The following ACP6 variants were observed in gnomAD, a reference collection of about 807,000 sequenced individuals.
The protein encoded by ACP6 is lysophosphatidic acid phosphatase type 6.
Under a neutral mutation model 48.1 loss-of-function variants are expected in ACP6, and 48 were observed. The observed-to-expected ratio is 1.00, with a 90% CI of 0.79 to 1.27. The LOEUF is 1.27. Ranked by LOEUF, ACP6 falls within the 50% of genes most tolerant of loss-of-function variation. The pLI is 0.00. For missense variants in ACP6, 485 were observed against 529.1 expected (o/e 0.92, Z 0.82); for synonymous variants, 172 against 204.2 (o/e 0.84, Z 1.34).
chr1:147,647,413 T>C lies in ACP6; in HGVS notation c.*10A>G. On this transcript the variant is annotated 3_prime_UTR_variant, in exon 10 of 10. Coordinates refer to ENST00000583509, the MANE Select transcript of ACP6 (RefSeq NM_016361.5). ...TTTTAAAATCAACACATCCTGCTTT[T>C]ATAAATCAGTTACTCTTCATTTCCA... The C allele has an allele frequency of 2.5e-6, 4 of 1,613,960 alleles. No homozygotes were observed. Among genetic ancestry groups the C allele is most frequent in the Non-Finnish European group, 3.4e-6 (4 of 1,180,002 alleles).
chr1:147,650,202 G>A lies in ACP6; in HGVS notation c.918C>T (p.His306=), dbSNP rs782769484. 6.8e-6 allele frequency: 11 copies of A among 1,605,854 alleles called. No individual in the cohort carries two copies. The highest frequency in any genetic ancestry group is 7.6e-6 in the Non-Finnish European group (9 of 1,176,762). Residue 306 remains histidine, a synonymous_variant, in exon 8 of 10, where the codon CAC becomes CAT. Transcript: ENST00000583509. ...CTTTCAGCAGGTTGCTCTCTAGGAT[G>A]TGGAGGAATGGGCCTACTGCCATCT... ...SLQMAVGPFL[H]ILESNLLKAM...
At chr1:147,631,932 C>G (rs782243065) in intron 5 of ACP6, among the ~76,000 whole-genome samples, 3 of 152,170 alleles carry the variant, frequency 2.0e-5, no homozygotes, top group Non-Finnish European at 2.9e-5. Context: ...GCAGGACTGC[C>G]AGGCCCCAGC....
chr1:147,652,343 G>A (rs1295625131), intron 7 of ACP6, 106 bp downstream of exon 7: 2 of 1,160,562 alleles, frequency 1.7e-6, no homozygotes, highest in Non-Finnish European at 2.4e-6. Context: ...CCTTACACGA[G>A]GAGACATCAG....
At chr1:147,655,393 A>G in intron 4 of ACP6, 145 bp from the exon 5 acceptor site, 1 of 649,034 alleles carries the variant, frequency 1.5e-6, no homozygotes, top group African/African-American at 1.8e-5. Flanking sequence ...AAGGACAGAA[A>G]ATGCCTTCAA....
Position 147,648,110 on chromosome 1 carries a change from C to G in ACP6, c.1143+136G>C. 9.9e-6 allele frequency: 10 copies of G among 1,014,480 alleles called. No homozygotes were observed. In the South Asian group the frequency reaches 1.5e-4, roughly 15 times the overall value. 62.8% of individuals were successfully genotyped at this position (1,014,480 alleles called of 1,614,324 possible). A position where few individuals can be genotyped will look rare whatever the true frequency, so the allele number is the denominator to read the frequency against. Reference sequence around the variant, plus strand: ...CCCTGGGCCATAGCCAGGAGTTGCCCTATAGGATTCAGAGAGCTGACTGTG... The same window carrying G: ...CCCTGGGCCATAGCCAGGAGTTGCCGTATAGGATTCAGAGAGCTGACTGTG... On this transcript the variant is annotated intron_variant, in intron 9 of 9. Transcript: ENST00000583509.
At chr1:147,655,276 G>T (rs1660194911) in intron 4 of ACP6, 28 bp from the exon 5 acceptor site, 2 of 1,534,276 alleles carry the variant, frequency 1.3e-6, no homozygotes, top group African/African-American at 2.7e-5. Context: ...AGCACAGGCA[G>T]GCAGAGGCTT....
At chr1:147,653,275 C>T (rs1553210993) in intron 6 of ACP6, among the ~76,000 whole-genome samples, 3 of 150,962 alleles carry the variant, frequency 2.0e-5, no homozygotes. Flanking sequence ...GGACTACAGA[C>T]ATGCACCACC....
At chr1:147,655,345 G>T in intron 4 of ACP6, 97 bp from the exon 5 acceptor site, 5 of 913,888 alleles carry the variant, frequency 5.5e-6, no homozygotes, top group Non-Finnish European at 6.9e-6. Context: ...ATGGAGCAGA[G>T]ATCTGCTCTG....
At chr1:147,667,438 G>A (rs587758425) in intron 1 of ACP6, among the ~76,000 whole-genome samples, 13 of 151,974 alleles carry the variant, frequency 8.6e-5, no homozygotes, top group South Asian at 6.2e-4. Flanking sequence ...GGCTGATCTC[G>A]AACTCCTGAC....
chr1:147,635,559 T>G (rs782209130), intron 5 of ACP6, among the ~76,000 whole-genome samples: 15 of 152,184 alleles, frequency 9.9e-5, no homozygotes, highest in Non-Finnish European at 1.6e-4. Flanking sequence ...AGTATTATCA[T>G]GAGTAAAAAT....
rs1390099116 is a variant in ACP6, at chr1:147,670,030, T to C, written c.19A>G (p.Ser7Gly). The change falls in exon 1 of 10, where the codon AGC becomes GGC. Residue 7 changes from serine (S) to glycine (G), a missense_variant. Physicochemically the swap from Ser to Gly is moderately conservative, Grantham distance 56. Transcript: ENST00000583509. MITGVF[S>G]MRLWTPVGVL... ...CCCACTGGGGTCCACAAGCGCATGC[T>C]GAACACACCAGTGATCATGGTGGTA... 1.3e-6 allele frequency: 2 copies of C among 1,535,750 alleles called. No individual in the cohort carries two copies. Among genetic ancestry groups the C allele is most frequent in the Non-Finnish European group, 1.8e-6 (2 of 1,137,698 alleles).
At position 147,660,085 on chromosome 1, in the gene ACP6, C is replaced by T. The variant is rs77048298; in HGVS notation, c.220-310G>A. On this transcript the variant is annotated intron_variant, in intron 1 of 9. Transcript: ENST00000583509. ...GACCAGAATGCCTGGCATGCGGATA[C>T]GTGGTGAATGAACGAATAGATGGAT... 1.8e-3 allele frequency among the ~76,000 whole-genome samples: 280 copies of T among 152,210 alleles called. 1 individual carries two copies. Among genetic ancestry groups the T allele is most frequent in the African/African-American group, 6.5e-3 (271 of 41,514 alleles).
intron 5 of ACP6, among the ~76,000 whole-genome samples, chr1:147,633,699 G>C (rs1389512451): frequency 6.6e-6 from 1 of 152,026 alleles, no homozygotes; most frequent in Non-Finnish European, 1.5e-5. Context: ...TCCACAGTCT[G>C]AAAGTCCTTA....
chr1:147,663,939 C>A (rs782674168), intron 1 of ACP6, among the ~76,000 whole-genome samples: 1 of 152,130 alleles, frequency 6.6e-6, no homozygotes, highest in East Asian at 1.9e-4. Flanking sequence ...ACTCAATTTC[C>A]TACTACTTTG....
intron 5 of ACP6, among the ~76,000 whole-genome samples, chr1:147,633,313 A>G (rs1659218260): frequency 6.6e-6 from 1 of 152,174 alleles, no homozygotes; most frequent in South Asian, 2.1e-4. Context: ...TGGTCCATCA[A>G]TTAAGACCAA....
intron 5 of ACP6, among the ~76,000 whole-genome samples, chr1:147,632,501 G>C (rs1553207519): frequency 6.6e-6 from 1 of 152,040 alleles, no homozygotes; most frequent in Non-Finnish European, 1.5e-5. Flanking sequence ...AGGACACACA[G>C]AGAACAACAC....
At chr1:147,656,080 G>C (rs1660243581) in intron 4 of ACP6, among the ~76,000 whole-genome samples, 1 of 152,106 alleles carries the variant, frequency 6.6e-6, no homozygotes, top group African/African-American at 2.4e-5. Flanking sequence ...TCCCAAAGGG[G>C]TATTTATTCC....
At chr1:147,642,071 A>T (rs182285894), downstream of ACP6, among the ~76,000 whole-genome samples, 1 of 152,286 alleles carries the variant, frequency 6.6e-6, no homozygotes, top group East Asian at 1.9e-4. Context: ...GAGAGGAAAA[A>T]CAGGCTCAGA....
At position 147,652,545 on chromosome 1, in the gene ACP6, T is replaced by A. The variant is rs1659983903; in HGVS notation, c.785A>T (p.His262Leu). 1 of 1,614,128 alleles carries A rather than the reference T, an allele frequency of 6.2e-7. No individual in the cohort carries two copies. The highest frequency in any genetic ancestry group is 1.1e-5 in the South Asian group (1 of 91,086). ...LLDNVAAEQA[H>L]NLPSCPMLKR... ...CAGCATGGGGCAGCTTGGGAGGTTGTGTGCCTGAAAGGGCCACATGTAGTT... is the reference window on the plus strand; with the variant it reads ...CAGCATGGGGCAGCTTGGGAGGTTGAGTGCCTGAAAGGGCCACATGTAGTT... The change falls in exon 7 of 10, where the codon CAC (histidine) becomes CTC (leucine). Residue 262 changes from histidine to leucine, a missense_variant. By Grantham distance (99) the His-to-Leu change is moderately conservative (BLOSUM62 -3). Coordinates refer to ENST00000583509, the MANE Select transcript of ACP6 (RefSeq NM_016361.5).
Sources: gnomAD v4.1 joint callset for allele counts (sites outside exome capture counted in the v4.1 genomes callset) on GRCh38, gnomAD v4.1.1 for gene constraint, MANE v1.5 for transcripts, NCBI Gene and HGNC (gene_info 2026-07-23, HGNC 2026-07-21) for gene names.